GRIA2: variants seen among roughly 807,000 people sequenced by gnomAD.
The protein encoded by GRIA2 is glutamate ionotropic receptor AMPA type subunit 2, also known as glutamate receptor 2.
In GRIA2, 14 loss-of-function variants were observed where a neutral mutation model predicts 97.3. The observed-to-expected ratio is 0.14, with a 90% CI of 0.10 to 0.23. The LOEUF (loss-of-function observed/expected upper bound fraction) is 0.23. Among genes scored for constraint, GRIA2 ranks in the 10% least tolerant of loss-of-function variants. The probability of loss-of-function intolerance (pLI) is 1.00; values close to 1 mark genes in which losing one functional copy is unlikely to be tolerated. For missense variants in GRIA2, 558 were observed against 1,069.8 expected (o/e 0.52, Z 6.67); for synonymous variants, 412 against 387.8 (o/e 1.06, Z -0.73).
chr4:157,301,401 T>G (rs1420112521), intron 2 of GRIA2, among the ~76,000 whole-genome samples: 1 of 152,230 alleles, frequency 6.6e-6, no homozygotes, highest in Non-Finnish European at 1.5e-5. Flanking sequence ...TTGCCTTATG[T>G]TAAGGTGTGA....
chr4:157,278,539 A>G (rs1356816628), intron 2 of GRIA2, among the ~76,000 whole-genome samples: 1 of 152,008 alleles, frequency 6.6e-6, no homozygotes, highest in African/African-American at 2.4e-5. Flanking sequence ...CATATTAGAA[A>G]ATCTACATGG....
chr4:157,347,612 G>T (rs1735817375), intron 12 of GRIA2, among the ~76,000 whole-genome samples: 1 of 152,130 alleles, frequency 6.6e-6, no homozygotes, highest in Non-Finnish European at 1.5e-5. Context: ...TGCTTTAAAT[G>T]CCTTAGTTTT....
At chr4:157,263,481 G>A (rs985562136) in intron 2 of GRIA2, among the ~76,000 whole-genome samples, 6 of 151,866 alleles carry the variant, frequency 4.0e-5, no homozygotes, top group African/African-American at 1.5e-4. Flanking sequence ...TTTAAGGAAC[G>A]CAGAGCTCAT....
chr4:157,266,412 G>A (rs1247385558), intron 2 of GRIA2, among the ~76,000 whole-genome samples: 1 of 152,102 alleles, frequency 6.6e-6, no homozygotes, highest in Admixed American at 6.6e-5. Context: ...AACTGAGAAA[G>A]AGCATCCAGG....
At chr4:157,239,480 T>A (rs1287956738) in intron 2 of GRIA2, among the ~76,000 whole-genome samples, 1 of 152,042 alleles carries the variant, frequency 6.6e-6, no homozygotes, top group Admixed American at 6.6e-5. Context: ...CTTCTAGTGG[T>A]TAATTCTATA....
At chr4:157,353,281 G>A (rs992255771) in intron 12 of GRIA2, among the ~76,000 whole-genome samples, 3 of 152,108 alleles carry the variant, frequency 2.0e-5, no homozygotes, top group South Asian at 2.1e-4. Flanking sequence ...GAACCTGGGA[G>A]GTGGAGGTTA....
chr4:157,221,523 C>A (rs993090327), intron 1 of GRIA2, 144 bp from the exon 2 acceptor site: 41 of 827,548 alleles, frequency 5.0e-5, no homozygotes, highest in Non-Finnish European at 7.2e-5. Flanking sequence ...ATATTCCACC[C>A]CCGCTGTCCG....
intron 2 of GRIA2, among the ~76,000 whole-genome samples, chr4:157,263,812 T>A (rs1731652768): frequency 6.6e-6 from 1 of 152,072 alleles, no homozygotes; most frequent in South Asian, 2.1e-4. Context: ...GAAGTTCTCT[T>A]CCCCAAGGGA....
rs1019819303 is a variant in GRIA2 at position 157,361,934 on chromosome 4, T to C, written c.2406+810T>C. The stretch of plus-strand genomic sequence containing the variant: ...TGCATGAAACAGCAACATACTGAAA[T>C]AGAGTAAATGGCCTAATGAGAACAT... On this transcript the variant is annotated intron_variant, in intron 14 of 15. Transcript: ENST00000264426. This position sits in a 1 kb window ranked among gnomAD's most constrained non-coding sequence, Gnocchi z 5.2. 5.9e-5 allele frequency among the ~76,000 whole-genome samples: 9 copies of C among 152,174 alleles called. No individual in the cohort carries two copies. Among genetic ancestry groups the C allele is most frequent in the Non-Finnish European group, 1.3e-4 (9 of 68,024 alleles).
intron 5 of GRIA2, among the ~76,000 whole-genome samples, chr4:157,319,700 T>G (rs1378164221): frequency 6.6e-6 from 1 of 152,182 alleles, no homozygotes; most frequent in Non-Finnish European, 1.5e-5. Flanking sequence ...TTCTTCCCCC[T>G]GTCAGGTTGT....
intron 2 of GRIA2, among the ~76,000 whole-genome samples, chr4:157,248,590 T>TATAC (rs1554006757): frequency 7.4e-6 from 1 of 135,986 alleles, no homozygotes; most frequent in Non-Finnish European, 1.6e-5. Context: ...TACGTGTATA[T>TATAC]ATGTATATAT....
intron 12 of GRIA2, among the ~76,000 whole-genome samples, chr4:157,345,340 A>C (rs921194507): frequency 6.6e-6 from 1 of 151,968 alleles, no homozygotes; most frequent in Non-Finnish European, 1.5e-5. Flanking sequence ...CATTTTCTGC[A>C]GTTTTCTGTT....
At chr4:157,288,062 A>G (rs1028525705) in intron 2 of GRIA2, among the ~76,000 whole-genome samples, 1 of 151,734 alleles carries the variant, frequency 6.6e-6, no homozygotes, top group Non-Finnish European at 1.5e-5. Flanking sequence ...AGTATTATAC[A>G]TTTTTAGGAC....
chr4:157,222,822 T>C (rs1156742699), intron 2 of GRIA2, among the ~76,000 whole-genome samples: 1 of 152,152 alleles, frequency 6.6e-6, no homozygotes, highest in African/African-American at 2.4e-5. Context: ...CAATTAGGGA[T>C]CTAAAAGGAT....
intron 2 of GRIA2, among the ~76,000 whole-genome samples, chr4:157,241,637 T>C (rs1241268497): frequency 6.6e-6 from 1 of 152,118 alleles, no homozygotes; most frequent in Middle Eastern, 3.2e-3. Context: ...GCAGTTAAAA[T>C]AGATTAGATA....
chr4:157,279,078 C>A lies in GRIA2; in HGVS notation c.230-24474C>A, dbSNP rs562984037. Among the ~76,000 whole-genome samples, 32 of 152,204 alleles carry A rather than the reference C, an allele frequency of 2.1e-4. 1 individual carries two copies. The South Asian group carries it at 6.4e-3, about 31-fold the overall frequency. ...CTTGGATAACTAAACATACTTTTAT[C>A]ATATGATCCAGCAATCATGCTCCTT... is the stretch of plus-strand genomic sequence containing the variant. On this transcript the variant is annotated intron_variant, in intron 2 of 15. Transcript: ENST00000264426.
At chr4:157,362,065 C>T (rs146860822) in intron 14 of GRIA2, among the ~76,000 whole-genome samples, 4 of 152,146 alleles carry the variant, frequency 2.6e-5, no homozygotes, top group East Asian at 1.9e-4. Context: ...CAAGACTATT[C>T]GTGTGCATCA....
chr4:157,259,635 T>G (rs942329424), intron 2 of GRIA2, among the ~76,000 whole-genome samples: 1 of 152,138 alleles, frequency 6.6e-6, no homozygotes, highest in African/African-American at 2.4e-5. Context: ...TTCTGTTCTC[T>G]TTACTTTCGT....
chr4:157,344,633 T>C (rs2126958655), intron 12 of GRIA2, among the ~76,000 whole-genome samples: 1 of 152,274 alleles, frequency 6.6e-6, no homozygotes, highest in Non-Finnish European at 1.5e-5. Flanking sequence ...TTTTGTAATG[T>C]GGCTTAATTT....
Sources: gnomAD v4.1 joint callset for allele counts (sites outside exome capture counted in the v4.1 genomes callset) on GRCh38, gnomAD v4.1.1 for gene constraint, Gnocchi (gnomAD v3.1) non-coding constraint, MANE v1.5 for transcripts, NCBI Gene and HGNC (gene_info 2026-07-23, HGNC 2026-07-21) for gene names.